CDH18: variants seen among roughly 807,000 people sequenced by gnomAD.
The protein encoded by CDH18 is cadherin 18.
CDH18 carries 31 observed loss-of-function variants against 67.9 expected under a neutral mutation model. The ratio of observed to expected loss-of-function variants is 0.46; its 90% confidence interval spans 0.34 to 0.62. The LOEUF is 0.62. Among genes scored for constraint, CDH18 ranks in the 20% least tolerant of loss-of-function variants. The probability of loss-of-function intolerance (pLI) is 0.01; values close to 1 mark genes in which losing one functional copy is unlikely to be tolerated. For synonymous variants in CDH18, 362 were observed against 347.2 expected, an observed-to-expected ratio of 1.04 and a Z score of -0.48; for missense variants, 890 against 975.5, an observed-to-expected ratio of 0.91 and a Z score of 1.17.
intron 2 of CDH18, among the ~76,000 whole-genome samples, chr5:20,238,990 A>G (rs1020088503): frequency 2.6e-5 from 4 of 152,212 alleles, no homozygotes; most frequent in African/African-American, 9.6e-5. Flanking sequence ...CTATGCTCCA[A>G]TTAAACTGTG....
intron 2 of CDH18, among the ~76,000 whole-genome samples, chr5:19,978,043 GTAATA>G (rs1798672080): frequency 6.6e-6 from 1 of 151,932 alleles, no homozygotes; most frequent in Non-Finnish European, 1.5e-5. Context: ...AGCAGAGAGG[GTAATA>G]TGTTTCTTTT....
intron 1 of CDH18, among the ~76,000 whole-genome samples, chr5:20,359,355 C>T (rs1034839617): frequency 3.9e-5 from 6 of 152,018 alleles, no homozygotes; most frequent in South Asian, 2.1e-4. Flanking sequence ...AAGCAATCCT[C>T]GTAAAACAAT....
At chr5:19,572,122 A>G (rs937836725) in intron 7 of CDH18, among the ~76,000 whole-genome samples, 7 of 152,186 alleles carry the variant, frequency 4.6e-5, no homozygotes, top group African/African-American at 1.7e-4. Flanking sequence ...GAGGACTGCT[A>G]GGTAATGTTT....
chr5:20,183,731 G>T (rs1737876009), intron 2 of CDH18, among the ~76,000 whole-genome samples: 1 of 152,034 alleles, frequency 6.6e-6, no homozygotes, highest in African/African-American at 2.4e-5. Context: ...TAGCTCCTAG[G>T]ATCCAGAGAC....
chr5:19,603,307 C>T (rs991341752), intron 6 of CDH18, among the ~76,000 whole-genome samples: 2 of 151,914 alleles, frequency 1.3e-5, no homozygotes, highest in African/African-American at 4.8e-5. Flanking sequence ...GTACCTAGAA[C>T]AGTAAAATTC....
intron 1 of CDH18, among the ~76,000 whole-genome samples, chr5:20,310,940 G>A (rs3860737): frequency 0.81 from 123,815 of 152,078 alleles, 50,701 homozygotes; most frequent in African/African-American, 0.91. Flanking sequence ...ATCCAGTAAC[G>A]ACCAAATATA....
intron 2 of CDH18, among the ~76,000 whole-genome samples, chr5:19,913,675 T>C (rs1344916224): frequency 6.6e-6 from 1 of 152,072 alleles, no homozygotes; most frequent in African/African-American, 2.4e-5. Context: ...AGACATGATA[T>C]CTATCTAAAA....
chr5:20,258,752 C>T (rs1035730672), intron 1 of CDH18, among the ~76,000 whole-genome samples: 4 of 151,858 alleles, frequency 2.6e-5, no homozygotes, highest in African/African-American at 7.3e-5. Flanking sequence ...AATCAGAAAC[C>T]GAGAGTCCTA....
chr5:20,337,098 C>T (rs372256150), intron 1 of CDH18, among the ~76,000 whole-genome samples: 11 of 152,162 alleles, frequency 7.2e-5, no homozygotes, highest in Non-Finnish European at 1.6e-4. Context: ...TGATTTCAGA[C>T]CCCCTCTCTT....
intron 2 of CDH18, among the ~76,000 whole-genome samples, chr5:20,166,117 C>T (rs1736260377): frequency 6.6e-6 from 1 of 151,982 alleles, no homozygotes; most frequent in African/African-American, 2.4e-5. Context: ...TTATTATACT[C>T]CTTTACTTTA....
At chr5:20,513,731 G>T (rs1199593496) in intron 1 of CDH18, among the ~76,000 whole-genome samples, 1 of 151,834 alleles carries the variant, frequency 6.6e-6, no homozygotes, top group Non-Finnish European at 1.5e-5. Context: ...CATTGGAGAG[G>T]TCCTAAATGT....
intron 5 of CDH18, among the ~76,000 whole-genome samples, chr5:19,662,775 A>G (rs1252716621): frequency 6.6e-6 from 1 of 152,044 alleles, no homozygotes; most frequent in Non-Finnish European, 1.5e-5. Flanking sequence ...GACTAAAACA[A>G]TGTATGACTG....
At chr5:19,709,458 T>C (rs1051903998) in intron 5 of CDH18, among the ~76,000 whole-genome samples, 1 of 151,818 alleles carries the variant, frequency 6.6e-6, no homozygotes, top group Non-Finnish European at 1.5e-5. Flanking sequence ...TCCCAGCTAC[T>C]CAGGAGGCTG....
intron 10 of CDH18, among the ~76,000 whole-genome samples, chr5:19,512,532 T>A (rs887595039): frequency 2.0e-4 from 30 of 152,294 alleles, no homozygotes; most frequent in African/African-American, 7.2e-4. Context: ...TGTCTTATTT[T>A]CAATGTAATG....
chr5:19,491,683 T>C (rs1741484209), intron 11 of CDH18, among the ~76,000 whole-genome samples: 1 of 152,160 alleles, frequency 6.6e-6, no homozygotes, highest in African/African-American at 2.4e-5. Context: ...ATATCTTCTT[T>C]CGCCAACCCC....
chr5:20,286,833 T>C (rs1408182743), intron 1 of CDH18, among the ~76,000 whole-genome samples: 1 of 151,832 alleles, frequency 6.6e-6, no homozygotes, highest in African/African-American at 2.4e-5. Context: ...GAACAGATAC[T>C]GCAAGAGCTT....
At chr5:19,480,432 A>G (rs918013632) in intron 12 of CDH18, among the ~76,000 whole-genome samples, 1 of 150,874 alleles carries the variant, frequency 6.6e-6, no homozygotes, top group Non-Finnish European at 1.5e-5. Flanking sequence ...GCTGGAGTGC[A>G]GTGGCGCCAT....
chr5:19,911,728 G>T (rs1791166766), intron 2 of CDH18, among the ~76,000 whole-genome samples: 1 of 151,942 alleles, frequency 6.6e-6, no homozygotes. Context: ...AGAACTGTGA[G>T]AATTAATGTT....
rs1214360191 is a variant in CDH18, at chr5:19,994,732, TATATATAGAGAGAGAGAGAG to T, written c.-517-2738_-517-2719del. The stretch of plus-strand genomic sequence containing the variant: ...ATATATATATATATATATATATATA[TATATATAGAGAGAGAGAGAG>T]AGAGAGAGAGAGAGAGAGAGAGAGA... On this transcript the variant is annotated intron_variant, in intron 2 of 14. Transcript: ENST00000507958. 7.4e-3 allele frequency among the ~76,000 whole-genome samples: 92 copies of T among 12,502 alleles called. 5 individuals are homozygous for T. Among genetic ancestry groups the T allele is most frequent in the East Asian group, 0.02 (6 of 306 alleles). 8.2% of individuals were successfully genotyped at this position (12,502 alleles called of 152,430 possible).
Sources: allele counts gnomAD v4.1 joint callset (sites outside exome capture counted in the v4.1 genomes callset), GRCh38; gene constraint gnomAD v4.1.1; transcripts MANE v1.5; gene names NCBI Gene and HGNC (gene_info 2026-07-23, HGNC 2026-07-21).